Variants in ABCA7 observed in about 807,000 individuals in gnomAD.
ABCA7 encodes ATP binding cassette subfamily A member 7.
Under a neutral mutation model 227.6 loss-of-function variants are expected in ABCA7, and 261 were observed. The observed-to-expected ratio is 1.15, with a 90% CI of 1.04 to 1.27. ABCA7 has a LOEUF of 1.27. Ranked by LOEUF, ABCA7 falls within the 50% of genes most tolerant of loss-of-function variation. ABCA7 has a pLI of 0.00. For missense variants in ABCA7, 3,331 were observed against 2,924.5 expected (o/e 1.14, Z -3.21); for synonymous variants, 1,488 against 1,279.7 (o/e 1.16, Z -3.47).
chr19:1,063,196 T>A (rs1316633420), intron 42 of ABCA7, among the ~76,000 whole-genome samples: 1 of 136,706 alleles, frequency 7.3e-6, no homozygotes, highest in Non-Finnish European at 1.6e-5. Flanking sequence ...CCCATACTCA[T>A]GCTGGCTCCA....
At position 1,048,513 on chromosome 19, in the gene ABCA7, A is replaced by C. The variant is rs1169795944; in HGVS notation, c.2270-382A>C. On this transcript the variant is annotated intron_variant, in intron 16 of 46. Coordinates refer to ENST00000263094, the MANE Select transcript of ABCA7 (RefSeq NM_019112.4). The stretch of plus-strand genomic sequence containing the variant: ...CTCAGTCTCAAAAAAAAAAAAACAA[A>C]AAAAAAAAAAACAAGGCCGGGCACG... 1.3e-4 allele frequency among the ~76,000 whole-genome samples: 19 copies of C among 141,586 alleles called. 1 individual carries two copies. The East Asian group carries it at 3.3e-3, about 25-fold the overall frequency. The allele number at this position is 141,586 out of a possible 152,430, so 92.9% of individuals were successfully genotyped here. A position where few individuals can be genotyped will look rare whatever the true frequency, so the allele number is the denominator to read the frequency against.
chr19:1,043,539 A>T (rs1275308373), intron 9 of ABCA7, 66 bp downstream of exon 9: 2 of 1,609,996 alleles, frequency 1.2e-6, no homozygotes, highest in African/African-American at 2.7e-5. Flanking sequence ...CCCTCAGTCC[A>T]GGTGGGCCAG....
chr19:1,051,162 G>A lies in ABCA7; in HGVS notation c.2692G>A (p.Val898Met), dbSNP rs750919439. The A allele has an allele frequency of 8.7e-6, 14 of 1,611,052 alleles. No homozygotes were observed. The highest frequency in any genetic ancestry group is 6.7e-5 in the African/African-American group (5 of 74,922). Residue 898 changes from valine (V) to methionine (M), a missense_variant, in exon 20 of 47, where the codon GTG becomes ATG. By Grantham distance (21) the Val-to-Met change is conservative. Coordinates refer to ENST00000263094, the MANE Select transcript of ABCA7 (RefSeq NM_019112.4). Reference protein sequence around the residue: ...QYNVLFDMLTVDEHVWFYGRL... With the variant: ...QYNVLFDMLTMDEHVWFYGRL... ...TCTGTGCACTGGCCGCAGGCTGACCGTGGACGAGCACGTCTGGTTCTATGG... is the reference window on the plus strand; with the variant it reads ...TCTGTGCACTGGCCGCAGGCTGACCATGGACGAGCACGTCTGGTTCTATGG...
chr19:1,052,246 C>G lies in ABCA7; in HGVS notation c.3180C>G (p.Thr1060=), dbSNP rs779081777. The part of the protein sequence containing the change: ...ADTDMEGSVD[T]RQEKKNGSQG... The stretch of plus-strand genomic sequence containing the variant: ...CTGACATGGAGGGCAGTGTGGACAC[C>G]AGGCAGGAAAAGAAGAATGGCAGCC... Residue 1060 remains threonine (T), a synonymous_variant, in exon 23 of 47, where the codon ACC becomes ACG. Coordinates refer to ENST00000263094, the MANE Select transcript of ABCA7 (RefSeq NM_019112.4). 1.3e-6 allele frequency: 2 copies of G among 1,558,186 alleles called. No homozygotes were observed. Among genetic ancestry groups the G allele is most frequent in the Non-Finnish European group, 1.7e-6 (2 of 1,152,762 alleles).
chr19:1,062,249 C>A lies in ABCA7; in HGVS notation c.5648C>A (p.Thr1883Lys). ...TCCGATGCCATCTTTGAGCTGCTGA[C>A]GGGCCGCGAGCACCTGGAGCTGCTT... The part of the protein sequence containing the change: ...PQSDAIFELL[T>K]GREHLELLAR... Residue 1883 changes from threonine to lysine, a missense_variant, in exon 42 of 47, where the codon ACG becomes AAG. Coordinates refer to ENST00000263094, the MANE Select transcript of ABCA7 (RefSeq NM_019112.4). 6.2e-7 allele frequency: 1 copy of A among 1,611,824 alleles called. No individual in the cohort carries two copies. Among genetic ancestry groups the A allele is most frequent in the Non-Finnish European group, 8.5e-7 (1 of 1,179,794 alleles).
rs145321888 is a variant in ABCA7 at position 1,055,345 on chromosome 19, G to A, written c.4199G>A (p.Arg1400His). 1.4e-4 allele frequency: 219 copies of A among 1,582,312 alleles called. No homozygotes were observed. The African/African-American group carries it at 2.2e-3, about 16-fold the overall frequency. The change falls in exon 30 of 47, where the codon CGC becomes CAC. Residue 1400 changes from arginine (R) to histidine (H), a missense_variant. Arg to His is a conservative substitution (Grantham distance 29). Coordinates refer to ENST00000263094, the MANE Select transcript of ABCA7 (RefSeq NM_019112.4). ...FLVKTYPRLV[R>H]QGLKTKKWVN... is the part of the protein sequence containing the mutation. ...GTCAAGACCTACCCGCGCCTGGTGCGCCAGGGGTGAGCCATGCCCTGGGAC... is the reference window on the plus strand; with the variant it reads ...GTCAAGACCTACCCGCGCCTGGTGCACCAGGGGTGAGCCATGCCCTGGGAC...
rs907555253 is a variant in ABCA7 at position 1,043,852 on chromosome 19, G to A, written c.1047+11G>A. 1 of 1,612,254 alleles carries A rather than the reference G, an allele frequency of 6.2e-7. No individual in the cohort carries two copies. Among genetic ancestry groups the A allele is most frequent in the South Asian group, 1.1e-5 (1 of 91,052 alleles). On this transcript the variant is annotated intron_variant, in intron 10 of 46. Coordinates refer to ENST00000263094, the MANE Select transcript of ABCA7 (RefSeq NM_019112.4). The stretch of plus-strand genomic sequence containing the variant: ...GTGGCCATGCTGCAGGTGTGCGGGG[G>A]TGCTGGGGAGGTGGGATGTGGCTCC...
At chr19:1,052,699 A>G in intron 23 of ABCA7, among the ~76,000 whole-genome samples, 1 of 107,086 alleles carries the variant, frequency 9.3e-6, no homozygotes, top group Non-Finnish European at 2.0e-5. Context: ...GAGGGAGAGG[A>G]GGAGGAGGGA....
At chr19:1,055,791 C>G in intron 30 of ABCA7, 116 bp from the exon 31 acceptor site, 3 of 1,119,630 alleles carry the variant, frequency 2.7e-6, no homozygotes, top group Non-Finnish European at 3.7e-6. Context: ...CAGGAGCCAC[C>G]GCGCCCGGCT....
In ABCA7 at chr19:1,054,397, G is replaced by T; in HGVS notation, c.3726+56G>T. On this transcript the variant is annotated intron_variant, in intron 27 of 46. Transcript: ENST00000263094. The surrounding 1 kb of genome is among the most constrained non-coding windows in gnomAD (Gnocchi z 4.8). The stretch of plus-strand genomic sequence containing the variant: ...GGGAGTCCCTGAGTTCCCTACCCTG[G>T]CCGTCCACTCAGTGGCCTAATCCAA... 6.4e-7 allele frequency: 1 copy of T among 1,558,326 alleles called. No homozygotes were observed. Among genetic ancestry groups the T allele is most frequent in the East Asian group, 2.3e-5 (1 of 44,240 alleles).
rs756908095 is a variant in ABCA7 at position 1,054,312 on chromosome 19, C to T, written c.3697C>T (p.Arg1233Cys). The T allele has an allele frequency of 2.5e-5, 40 of 1,601,368 alleles. No homozygotes were observed. Among genetic ancestry groups the T allele is most frequent in the African/African-American group, 1.2e-4 (9 of 74,826 alleles). ...ALLLKRFLLA[R>C]RSRRGLFAQI... ...GCTTCTCAAGCGCTTTCTGCTTGCC[C>T]GCCGCAGCCGCCGCGGCCTGTTCGC... The change falls in exon 27 of 47, where the codon CGC (arginine) becomes TGC (cysteine). Residue 1233 changes from arginine to cysteine, a missense_variant. By Grantham distance (180) the Arg-to-Cys change is radical. Coordinates refer to ENST00000263094, the MANE Select transcript of ABCA7 (RefSeq NM_019112.4). The surrounding 1 kb of genome is among the most constrained non-coding windows in gnomAD (Gnocchi z 4.8).
chr19:1,058,824 A>G lies in ABCA7; in HGVS notation c.5284A>G (p.Arg1762Gly), dbSNP rs1477649797. 1.3e-6 allele frequency: 2 copies of G among 1,580,638 alleles called. 1 individual carries two copies. Among genetic ancestry groups the G allele is most frequent in the South Asian group, 2.3e-5 (2 of 87,438 alleles). Residue 1762 changes from arginine to glycine, a missense_variant, in exon 39 of 47, where the codon AGG becomes GGG. Coordinates refer to ENST00000263094, the MANE Select transcript of ABCA7 (RefSeq NM_019112.4). Reference protein sequence around the residue: ...QHRSQLLPQPRVRSLPLLGEE... With the variant: ...QHRSQLLPQPGVRSLPLLGEE... Reference sequence around the variant, plus strand: ...CCACAGATATTCTGTCCCCAGGCCCAGGGTGAGGTCTCTGCCACTCCTGGG... The same window carrying G: ...CCACAGATATTCTGTCCCCAGGCCCGGGGTGAGGTCTCTGCCACTCCTGGG...
intron 44 of ABCA7, 129 bp from the exon 45 acceptor site, chr19:1,064,032 G>A (rs957800132): frequency 1.9e-5 from 26 of 1,342,964 alleles, no homozygotes; most frequent in Non-Finnish European, 2.6e-5. Context: ...GCCGGGATCA[G>A]AACGGTCTGG....
chr19:1,063,031 A>C (rs28668646), intron 42 of ABCA7, among the ~76,000 whole-genome samples: 2 of 48,536 alleles, frequency 4.1e-5, no homozygotes, highest in Non-Finnish European at 8.1e-5. Context: ...CCATGGCCCC[A>C]CCCCATACTC....
rs199517653 is a variant in ABCA7 at position 1,049,361 on chromosome 19, G to A, written c.2476G>A (p.Gly826Arg). Residue 826 changes from glycine (G) to arginine (R), a missense_variant, in exon 18 of 47, where the codon GGG (glycine) becomes AGG (arginine). By Grantham distance (125) the Gly-to-Arg change is moderately radical. Coordinates refer to ENST00000263094, the MANE Select transcript of ABCA7 (RefSeq NM_019112.4). The stretch of plus-strand genomic sequence containing the variant: ...TGGAAGCCCGCAGCCAGCCCTGCGG[G>A]GGCTCAGCCTGGACTTCTACCAGGG... ...FPGSPQPALR[G>R]LSLDFYQGHI... 7.2e-4 allele frequency: 1,166 copies of A among 1,611,376 alleles called. No individual in the cohort carries two copies. Among genetic ancestry groups the A allele is most frequent in the Non-Finnish European group, 9.6e-4 (1,132 of 1,179,180 alleles).
intron 10 of ABCA7, among the ~76,000 whole-genome samples, chr19:1,044,263 TAA>T (rs1276279457): frequency 4.8e-5 from 5 of 104,626 alleles, no homozygotes; most frequent in African/African-American, 1.7e-4. Flanking sequence ...TTTTTTTTTT[TAA>T]GAGATGGAGT....
Position 1,063,959 on chromosome 19 carries a change from G to A in ABCA7, c.5951+96G>A, listed in dbSNP as rs1380314612. On this transcript the variant is annotated intron_variant, in intron 44 of 46. Coordinates refer to ENST00000263094, the MANE Select transcript of ABCA7 (RefSeq NM_019112.4). ...AAGGCCACAGGGGATGGGGGGTCCTGGCCCTAGTGGGGCGAGGGCGCCAGG... is the reference window on the plus strand; with the variant it reads ...AAGGCCACAGGGGATGGGGGGTCCTAGCCCTAGTGGGGCGAGGGCGCCAGG... 2.5e-5 allele frequency: 35 copies of A among 1,422,230 alleles called. No homozygotes were observed. In the East Asian group the frequency reaches 8.0e-4, roughly 33 times the overall value. 88.1% of individuals were successfully genotyped at this position (1,422,230 alleles called of 1,614,324 possible).
Position 1,047,030 on chromosome 19 carries a change from C to T in ABCA7, c.1845+6C>T, listed in dbSNP as rs1177404552. The T allele has an allele frequency of 7.1e-6, 11 of 1,557,588 alleles. No homozygotes were observed. Among genetic ancestry groups the T allele is most frequent in the East Asian group, 2.4e-5 (1 of 41,782 alleles). On this transcript the variant is annotated splice_donor_region_variant and intron_variant, in intron 14 of 46. Transcript: ENST00000263094. Reference sequence around the variant, plus strand: ...TGCTGGTTCTGGTGCTCAAGGTGGGCGCGCCTCGGCCTGCCCGGCTGCAGA... The same window carrying T: ...TGCTGGTTCTGGTGCTCAAGGTGGGTGCGCCTCGGCCTGCCCGGCTGCAGA...
In ABCA7 at chr19:1,063,632, T is replaced by TGGCGAC; in HGVS notation, c.5805_5810dup (p.Thr1936_Ala1937dup). 6.2e-7 allele frequency: 1 copy of TGGCGAC among 1,611,178 alleles called. No homozygotes were observed. The highest frequency in any genetic ancestry group is 8.5e-7 in the Non-Finnish European group (1 of 1,179,770). On this transcript the variant is annotated inframe_insertion, in exon 43 of 47. Transcript: ENST00000263094. Reference sequence around the variant, plus strand: ...TACAGCGGAGGGAACAAACGCAAGCTGGCGACGGCCCTGGCGCTGGTTGGG... The same window carrying TGGCGAC: ...TACAGCGGAGGGAACAAACGCAAGCTGGCGACGGCGACGGCCCTGGCGCTGGTTGGG...
Sources: gnomAD v4.1 joint callset for allele counts (sites outside exome capture counted in the v4.1 genomes callset) on GRCh38, gnomAD v4.1.1 for gene constraint, Gnocchi (gnomAD v3.1) non-coding constraint, MANE v1.5 for transcripts, NCBI Gene and HGNC (gene_info 2026-07-23, HGNC 2026-07-21) for gene names.